MSH3: variants seen among roughly 807,000 people sequenced by gnomAD.
The protein encoded by MSH3 is DNA mismatch repair protein Msh3.
MSH3 carries 106 observed loss-of-function variants against 123.3 expected under a neutral mutation model. That is an observed-to-expected ratio of 0.86 (90% CI 0.73 to 1.01). The LOEUF (loss-of-function observed/expected upper bound fraction) is 1.01, where lower values mean the gene tolerates loss of function less well. MSH3 is among the 50% of genes least tolerant of loss of function. The pLI, the probability that MSH3 is intolerant of heterozygous loss-of-function variation, is 0.00. For synonymous variants in MSH3, 515 were observed against 481.4 expected (o/e 1.07, Z -0.91); for missense variants, 1,459 against 1,347.6 (o/e 1.08, Z -1.29).
At chr5:80,795,902 T>A (rs1744691903) in intron 19 of MSH3, among the ~76,000 whole-genome samples, 1 of 151,418 alleles carries the variant, frequency 6.6e-6, no homozygotes, top group African/African-American at 2.4e-5. Flanking sequence ...TTCCAGCTAC[T>A]CAGGAGGCTG....
intron 20 of MSH3, among the ~76,000 whole-genome samples, chr5:80,832,786 G>A (rs245385): frequency 0.7 from 106,651 of 151,588 alleles, 37,516 homozygotes; most frequent in South Asian, 0.8. Flanking sequence ...CAATAATACT[G>A]TTGTAATAGG....
At chr5:80,717,980 G>A (rs953232850) in intron 8 of MSH3, among the ~76,000 whole-genome samples, 4 of 152,166 alleles carry the variant, frequency 2.6e-5, no homozygotes, top group Non-Finnish European at 5.9e-5. Context: ...AATTTTCGGA[G>A]AAGCCAGTAA....
intron 13 of MSH3, 81 bp downstream of exon 13, chr5:80,761,759 G>A: frequency 6.9e-7 from 1 of 1,455,602 alleles, no homozygotes; most frequent in East Asian, 2.4e-5. Flanking sequence ...ACTTTTGAGA[G>A]CTCTATTATT....
intron 7 of MSH3, among the ~76,000 whole-genome samples, chr5:80,677,916 A>C (rs1289127276): frequency 2.6e-5 from 4 of 152,320 alleles, no homozygotes; most frequent in South Asian, 2.1e-4. Context: ...TCTAGTTTAC[A>C]GTTGTACAGA....
intron 20 of MSH3, among the ~76,000 whole-genome samples, chr5:80,819,364 GTGTGTATATATA>G (rs1270396422): frequency 6.3e-5 from 6 of 95,078 alleles, no homozygotes; most frequent in African/African-American, 2.0e-4. Context: ...GTATATATAT[GTGTGTATATATA>G]TGTGTATATA....
At chr5:80,683,744 A>G (rs970945608) in intron 8 of MSH3, among the ~76,000 whole-genome samples, 7 of 151,632 alleles carry the variant, frequency 4.6e-5, no homozygotes, top group African/African-American at 1.7e-4. Context: ...TGGTTGCCCT[A>G]TTAAGAAATC....
At chr5:80,762,755 G>GTTTTA (rs1164337835) in intron 13 of MSH3, among the ~76,000 whole-genome samples, 1 of 129,438 alleles carries the variant, frequency 7.7e-6, no homozygotes, top group Admixed American at 7.5e-5. Context: ...GTTTTATTTT[G>GTTTTA]TTTTATTTTA....
intron 17 of MSH3, 50 bp downstream of exon 17, chr5:80,778,886 G>T: frequency 1.9e-6 from 2 of 1,061,898 alleles, no homozygotes; most frequent in South Asian, 2.5e-5. Context: ...ATCAGAAACA[G>T]ACTGGAAAAA....
intron 19 of MSH3, among the ~76,000 whole-genome samples, chr5:80,797,103 C>G (rs1034979658): frequency 3.9e-5 from 6 of 151,978 alleles, no homozygotes; most frequent in African/African-American, 1.5e-4. Flanking sequence ...CCCGACTCCC[C>G]AGCTCTGGCT....
chr5:80,788,968 C>A (rs1310677578), intron 18 of MSH3, among the ~76,000 whole-genome samples: 1 of 152,026 alleles, frequency 6.6e-6, no homozygotes, highest in African/African-American at 2.4e-5. Flanking sequence ...CTAGTGTATC[C>A]TCCCAGCTCT....
chr5:80,835,505 AC>A (rs1745492898), intron 20 of MSH3, among the ~76,000 whole-genome samples: 1 of 152,174 alleles, frequency 6.6e-6, no homozygotes. Context: ...TTTTACATAT[AC>A]TTCATTAGCA....
rs369130465 is a variant in MSH3, at chr5:80,741,539, A to G, written c.1644A>G (p.Leu548=). 7 of 1,608,968 alleles carry G rather than the reference A, an allele frequency of 4.4e-6. No individual in the cohort carries two copies. Among genetic ancestry groups the G allele is most frequent in the African/African-American group, 1.3e-5 (1 of 74,830 alleles). ...NGTTLRNLEI[L]QNQTDMKTKG... The stretch of plus-strand genomic sequence containing the variant: ...CAACATTAAGGAATCTGGAAATCCT[A>G]CAGAATCAGGTCAGGCAAATACAAG... The change falls in exon 11 of 24, where the codon CTA becomes CTG. Residue 548 remains leucine, a synonymous_variant. Coordinates refer to ENST00000265081, the MANE Select transcript of MSH3 (RefSeq NM_002439.5).
rs1239435637 is a variant in MSH3 at position 80,725,372 on chromosome 5, T to C, written c.1341-81T>C. 3 of 882,306 alleles carry C rather than the reference T, an allele frequency of 3.4e-6. No homozygotes were observed. The Admixed American group carries it at 5.9e-5, about 17-fold the overall frequency. The allele number at this position is 882,306 out of a possible 1,614,324, so 54.7% of individuals were successfully genotyped here. On this transcript the variant is annotated intron_variant, in intron 8 of 23. Coordinates refer to ENST00000265081, the MANE Select transcript of MSH3 (RefSeq NM_002439.5). ...GGAATAAATCTTTATCTTTTTTTTT[T>C]CCTCTTCTGGCCAAGACCTAAATAC...
At chr5:80,865,065 ATT>A in intron 22 of MSH3, 123 bp downstream of exon 22, 1 of 1,004,354 alleles carries the variant, frequency 1.0e-6, no homozygotes, top group Non-Finnish European at 1.6e-6. Flanking sequence ...TATAAATAAC[ATT>A]TGTCAGGATT....
intron 20 of MSH3, among the ~76,000 whole-genome samples, chr5:80,845,659 G>A (rs1238420629): frequency 5.3e-5 from 8 of 151,560 alleles, no homozygotes; most frequent in Admixed American, 2.6e-4. Context: ...TTTGATCTTC[G>A]GTCGCTGATA....
At chr5:80,796,811 T>A (rs910324449) in intron 19 of MSH3, among the ~76,000 whole-genome samples, 1 of 152,004 alleles carries the variant, frequency 6.6e-6, no homozygotes, top group Non-Finnish European at 1.5e-5. Context: ...CACTATATAA[T>A]CCAAGCATTT....
At chr5:80,760,687 C>A (rs1744016538) in intron 12 of MSH3, among the ~76,000 whole-genome samples, 1 of 152,186 alleles carries the variant, frequency 6.6e-6, no homozygotes, top group African/African-American at 2.4e-5. Context: ...AAGTTTATTT[C>A]TTGCTAATAT....
At chr5:80,659,455 T>C (rs1324549968) in intron 2 of MSH3, among the ~76,000 whole-genome samples, 1 of 152,186 alleles carries the variant, frequency 6.6e-6, no homozygotes, top group Non-Finnish European at 1.5e-5. Flanking sequence ...TTTCTGTGTA[T>C]AGATTTGCCT....
intron 13 of MSH3, among the ~76,000 whole-genome samples, chr5:80,766,082 A>C (rs1411315397): frequency 2.0e-5 from 3 of 151,892 alleles, no homozygotes; most frequent in African/African-American, 7.3e-5. Context: ...TAAAAGTAGC[A>C]TCTTGTTTCA....
Sources: gnomAD v4.1 joint callset for allele counts (sites outside exome capture counted in the v4.1 genomes callset) on GRCh38, gnomAD v4.1.1 for gene constraint, MANE v1.5 for transcripts, NCBI Gene and HGNC (gene_info 2026-07-23, HGNC 2026-07-21) for gene names.